RBM25: variants seen among roughly 807,000 people sequenced by gnomAD.
RBM25 encodes the protein RNA-binding protein 25.
RBM25 carries 19 observed loss-of-function variants against 120.7 expected under a neutral mutation model. The ratio of observed to expected loss-of-function variants is 0.16; its 90% CI spans 0.11 to 0.23. The LOEUF is 0.23. RBM25 is among the 10% of genes least tolerant of loss of function. RBM25 has a pLI of 1.00. For synonymous variants in RBM25, 390 were observed against 326.7 expected, an observed-to-expected ratio of 1.19 and a Z score of -2.09; for missense variants, 605 against 1,041.5, an observed-to-expected ratio of 0.58 and a Z score of 5.77.
chr14:73,121,667 T>G lies in RBM25; in HGVS notation c.*1862T>G, dbSNP rs1284195831. ...GTCTTTTCTTAACATACTGCACTGT[T>G]CTTAAGCATCATATTGTGTTGTTTT... On this transcript the variant is annotated 3_prime_UTR_variant, in exon 19 of 19. Coordinates refer to ENST00000261973, the MANE Select transcript of RBM25 (RefSeq NM_021239.3). 6.6e-6 allele frequency: 1 copy of G among 152,224 alleles called. No homozygotes were observed. Among genetic ancestry groups the G allele is most frequent in the Non-Finnish European group, 1.5e-5 (1 of 68,036 alleles). 9.4% of individuals were successfully genotyped at this position (152,224 alleles called of 1,614,324 possible).
At chr14:73,076,681 T>C (rs1263109656) in intron 3 of RBM25, among the ~76,000 whole-genome samples, 1 of 152,040 alleles carries the variant, frequency 6.6e-6, no homozygotes, top group Admixed American at 6.6e-5. Context: ...ATCTTGGTCC[T>C]GGGAGATGGG....
At chr14:73,081,055 C>G (rs1360004056) in intron 4 of RBM25, among the ~76,000 whole-genome samples, 2 of 151,946 alleles carry the variant, frequency 1.3e-5, no homozygotes, top group Non-Finnish European at 2.9e-5. Flanking sequence ...GTACTCCTGA[C>G]CTCCAGTGAT....
At chr14:73,091,953 G>T (rs921334661) in intron 6 of RBM25, among the ~76,000 whole-genome samples, 1 of 152,052 alleles carries the variant, frequency 6.6e-6, no homozygotes, top group Non-Finnish European at 1.5e-5. Flanking sequence ...ACAATTGACA[G>T]ATATCAGTTA....
At chr14:73,063,093 A>G (rs1310667358) in intron 1 of RBM25, among the ~76,000 whole-genome samples, 3 of 151,034 alleles carry the variant, frequency 2.0e-5, no homozygotes, top group Non-Finnish European at 4.4e-5. Flanking sequence ...AAACGCCGGG[A>G]TTACAGGTAT....
At chr14:73,078,038 C>T (rs1015417325) in intron 4 of RBM25, among the ~76,000 whole-genome samples, 2 of 152,150 alleles carry the variant, frequency 1.3e-5, no homozygotes, top group Admixed American at 1.3e-4. Context: ...TGCAGTGGCT[C>T]ATGCCTGTAA....
chr14:73,119,564 C>G, intron 18 of RBM25, 149 bp from the exon 19 acceptor site: 2 of 1,394,988 alleles, frequency 1.4e-6, no homozygotes, highest in Non-Finnish European at 1.9e-6. Flanking sequence ...CACACCCGGC[C>G]ACTAAAACAA....
chr14:73,064,743 A>T (rs1223974544), intron 1 of RBM25, among the ~76,000 whole-genome samples: 2 of 151,150 alleles, frequency 1.3e-5, no homozygotes, highest in African/African-American at 4.8e-5. Context: ...GTTAACTGGT[A>T]TTTTTGCCTT....
chr14:73,060,607 A>G (rs551771701), intron 1 of RBM25, among the ~76,000 whole-genome samples: 5 of 151,628 alleles, frequency 3.3e-5, no homozygotes, highest in Admixed American at 1.3e-4. Flanking sequence ...TGCCATTCAC[A>G]AAAGGGGATT....
At chr14:73,063,450 G>A (rs115362722) in intron 1 of RBM25, among the ~76,000 whole-genome samples, 14,841 of 151,152 alleles carry the variant, frequency 0.098, 1,184 homozygotes, top group African/African-American at 0.14. Context: ...CGCCCGGCCC[G>A]GAGTTTCATA....
intron 6 of RBM25, among the ~76,000 whole-genome samples, chr14:73,095,103 C>G (rs1363755369): frequency 6.6e-6 from 1 of 151,988 alleles, no homozygotes; most frequent in East Asian, 1.9e-4. Flanking sequence ...ATCTGCCCAC[C>G]TTGGCCTCCC....
At position 73,058,562 on chromosome 14, in the gene RBM25, G is replaced by A. The variant is rs906823016; in HGVS notation, c.-159G>A. On this transcript the variant is annotated 5_prime_UTR_variant, in exon 1 of 19. Coordinates refer to ENST00000261973, the MANE Select transcript of RBM25 (RefSeq NM_021239.3). ...CCTCCATCAGCTCGCCGCGCAGCGC[G>A]GCTGTATTTGCGGCCTGTGCGAGTA... is the stretch of plus-strand genomic sequence containing the variant. The A allele has an allele frequency of 2.0e-5, 3 of 152,200 alleles. No individual in the cohort carries two copies. The highest frequency in any genetic ancestry group is 6.6e-5 in the Admixed American group (1 of 15,262). The allele number at this position is 152,200 out of a possible 1,614,324, so 9.4% of individuals were successfully genotyped here.
chr14:73,071,470 G>T (rs149020110), intron 1 of RBM25, among the ~76,000 whole-genome samples, 157 bp from the exon 2 acceptor site: 1 of 151,974 alleles, frequency 6.6e-6, no homozygotes, highest in Non-Finnish European at 1.5e-5. Context: ...AATCTAAGTC[G>T]TAAGAATTCT....
At chr14:73,076,026 G>A (rs376759883) in intron 2 of RBM25, among the ~76,000 whole-genome samples, 1 of 152,084 alleles carries the variant, frequency 6.6e-6, no homozygotes, top group African/African-American at 2.4e-5. Flanking sequence ...TGGTTTTGAG[G>A]ATCACCGAAC....
At chr14:73,107,554 C>A in intron 12 of RBM25, 1 of 317,838 alleles carries the variant, frequency 3.1e-6, no homozygotes, top group Non-Finnish European at 5.7e-6. Flanking sequence ...ACACCGTTTC[C>A]CAGGCTAGCC....
At chr14:73,067,975 A>T (rs1379852589) in intron 1 of RBM25, 1 of 244,902 alleles carries the variant, frequency 4.1e-6, no homozygotes, top group East Asian at 8.4e-5. Flanking sequence ...ATTAGGCTTC[A>T]AAGATCTTGA....
chr14:73,108,104 T>G (rs879357274), intron 13 of RBM25, among the ~76,000 whole-genome samples: 1 of 152,238 alleles, frequency 6.6e-6, no homozygotes, highest in African/African-American at 2.4e-5. Context: ...CTATGCATCT[T>G]TTGTGCAGTG....
intron 10 of RBM25, among the ~76,000 whole-genome samples, chr14:73,105,126 C>CTTTTTTTTTTTTTTTTTTTTTTTTTTTTT (rs34862161): frequency 9.1e-6 from 1 of 109,564 alleles, no homozygotes; most frequent in African/African-American, 3.8e-5. Flanking sequence ...GGTTTTATTA[C>CTTTTTTTTTTTTTTTTTTTTTTTTTTTTT]TTTTTTTTTT....
chr14:73,068,387 A>ATTTTTTTTTTTTTTTTTTTTTT, intron 1 of RBM25: 1 of 476,612 alleles, frequency 2.1e-6, no homozygotes, highest in African/African-American at 2.3e-5. Context: ...CTTGTATTTG[A>ATTTTTTTTTTTTTTTTTTTTTT]TTTTTTTTTT....
chr14:73,088,460 A>G, intron 6 of RBM25: 1 of 506,540 alleles, frequency 2.0e-6, no homozygotes, highest in Non-Finnish European at 3.8e-6. Flanking sequence ...CTAATTCATT[A>G]AGGCAGCTTT....
Sources: gnomAD v4.1 joint callset for allele counts (sites outside exome capture counted in the v4.1 genomes callset) on GRCh38, gnomAD v4.1.1 for gene constraint, MANE v1.5 for transcripts, NCBI Gene and HGNC (gene_info 2026-07-23, HGNC 2026-07-21) for gene names.